The following PAM variants were observed in gnomAD, a reference collection of about 807,000 sequenced individuals.
PAM encodes peptidyl-glycine alpha-amidating monooxygenase.
Under a neutral mutation model 122.1 loss-of-function variants are expected in PAM, and 72 were observed. The ratio of observed to expected loss-of-function variants is 0.59; its 90% confidence interval spans 0.49 to 0.72. The LOEUF (loss-of-function observed/expected upper bound fraction) is 0.72. PAM is among the 30% of genes least tolerant of loss of function. The pLI, the probability that PAM is intolerant of heterozygous loss-of-function variation, is 0.00. For synonymous variants in PAM, 389 were observed against 404.4 expected, an observed-to-expected ratio of 0.96 and a Z score of 0.46; for missense variants, 1,106 against 1,183.7, an observed-to-expected ratio of 0.93 and a Z score of 0.96.
chr5:102,877,476 G>T (rs1480048326), intron 3 of PAM, among the ~76,000 whole-genome samples: 5 of 152,258 alleles, frequency 3.3e-5, no homozygotes, highest in Admixed American at 1.3e-4. Context: ...GCTTTATTTA[G>T]AAAATATTTA....
intron 7 of PAM, among the ~76,000 whole-genome samples, chr5:102,928,645 T>C (rs1750430917): frequency 1.3e-5 from 2 of 152,074 alleles, no homozygotes; most frequent in South Asian, 2.1e-4. Flanking sequence ...TGGGAAAATA[T>C]CAAATCTCAC....
chr5:102,909,667 A>G (rs1398328362), intron 4 of PAM, among the ~76,000 whole-genome samples: 3 of 151,882 alleles, frequency 2.0e-5, no homozygotes, highest in Non-Finnish European at 4.4e-5. Flanking sequence ...AGGCACTTGT[A>G]TTTTTACCAA....
chr5:102,998,894 C>G (rs1458516560), intron 16 of PAM, among the ~76,000 whole-genome samples: 1 of 152,136 alleles, frequency 6.6e-6, no homozygotes, highest in African/African-American at 2.4e-5. Flanking sequence ...AGTTCCTTCT[C>G]ATGCTGCTAA....
chr5:102,980,770 G>A (rs1469711612), intron 15 of PAM, among the ~76,000 whole-genome samples: 1 of 152,056 alleles, frequency 6.6e-6, no homozygotes, highest in East Asian at 1.9e-4. Flanking sequence ...AACTATCCTA[G>A]AATTTCTGGT....
intron 22 of PAM, among the ~76,000 whole-genome samples, chr5:103,018,819 A>G (rs1180538468): frequency 6.6e-6 from 1 of 152,186 alleles, no homozygotes; most frequent in African/African-American, 2.4e-5. Context: ...CCTTTTTGGC[A>G]TTAAGGGACC....
At position 102,802,436 on chromosome 5, in the gene PAM, A is replaced by G. The variant is rs144379213; in HGVS notation, c.-374+47088A>G. On this transcript the variant is annotated intron_variant, in intron 1 of 25. Transcript: ENST00000438793. Reference sequence around the variant, plus strand: ...ATCCTTTAAGGATAAAACTTTGCATAGCTTCAGTCTATTACATAGACTGAG... The same window carrying G: ...ATCCTTTAAGGATAAAACTTTGCATGGCTTCAGTCTATTACATAGACTGAG... 1.4e-3 allele frequency among the ~76,000 whole-genome samples: 216 copies of G among 152,316 alleles called. 2 individuals are homozygous for G. The highest frequency in any genetic ancestry group is 5.1e-3 in the African/African-American group (210 of 41,564).
intron 1 of PAM, among the ~76,000 whole-genome samples, chr5:102,823,900 A>G (rs946304306): frequency 2.2e-4 from 34 of 152,212 alleles, no homozygotes; most frequent in African/African-American, 7.0e-4. Flanking sequence ...CCTGACCATG[A>G]AAAAGATACT....
At chr5:103,010,347 G>T (rs1172400082) in intron 21 of PAM, among the ~76,000 whole-genome samples, 1 of 152,154 alleles carries the variant, frequency 6.6e-6, no homozygotes, top group African/African-American at 2.4e-5. Context: ...ATTTATTCAA[G>T]TTCTAAAGAT....
At chr5:102,766,925 G>T (rs1348602954) in intron 1 of PAM, among the ~76,000 whole-genome samples, 10 of 36,586 alleles carry the variant, frequency 2.7e-4, no homozygotes, top group Admixed American at 1.8e-3. Context: ...TTCAGTTGTG[G>T]ATTTTTTTTT....
chr5:102,894,183 T>C (rs1795523988), intron 3 of PAM, among the ~76,000 whole-genome samples: 2 of 151,540 alleles, frequency 1.3e-5, no homozygotes, highest in Non-Finnish European at 3.0e-5. Flanking sequence ...TGGGAAGAGC[T>C]TGAACTACGA....
chr5:102,793,239 G>A (rs1762501191), intron 1 of PAM, among the ~76,000 whole-genome samples: 1 of 152,128 alleles, frequency 6.6e-6, no homozygotes, highest in Non-Finnish European at 1.5e-5. Flanking sequence ...TTAAAGACTT[G>A]TAAATTGGGC....
chr5:103,007,429 G>C (rs182953513), intron 19 of PAM, 28 bp from the exon 20 acceptor site: 1 of 1,594,306 alleles, frequency 6.3e-7, no homozygotes, highest in East Asian at 2.2e-5. Flanking sequence ...TTAACATTGT[G>C]TATCTAAGGC....
chr5:102,793,787 A>G (rs1399646865), intron 1 of PAM, among the ~76,000 whole-genome samples: 1 of 152,228 alleles, frequency 6.6e-6, no homozygotes, highest in South Asian at 2.1e-4. Flanking sequence ...AAGTTTATAT[A>G]CACAATTAAT....
chr5:102,909,657 A>G (rs961138066), intron 4 of PAM, among the ~76,000 whole-genome samples: 2 of 151,884 alleles, frequency 1.3e-5, no homozygotes, highest in Non-Finnish European at 2.9e-5. Context: ...GATTGACTCT[A>G]GGCACTTGTA....
chr5:102,822,435 C>T (rs914785826), intron 1 of PAM, among the ~76,000 whole-genome samples: 6 of 152,172 alleles, frequency 3.9e-5, no homozygotes, highest in Admixed American at 1.3e-4. Context: ...GACCATTTAG[C>T]CAAACCAGTT....
intron 23 of PAM, among the ~76,000 whole-genome samples, chr5:103,022,894 C>CA (rs1248497352): frequency 6.6e-6 from 1 of 152,118 alleles, no homozygotes; most frequent in Non-Finnish European, 1.5e-5. Context: ...ACCCCACATA[C>CA]AAATGCTCTT....
chr5:102,801,773 T>A (rs1168362965), intron 1 of PAM, among the ~76,000 whole-genome samples: 1 of 101,904 alleles, frequency 9.8e-6, no homozygotes, highest in African/African-American at 5.6e-5. Context: ...GGAAAAGGTA[T>A]TTTTTTTTTT....
At chr5:102,763,522 T>A (rs576009124) in intron 1 of PAM, among the ~76,000 whole-genome samples, 1 of 152,182 alleles carries the variant, frequency 6.6e-6, no homozygotes, top group South Asian at 2.1e-4. Flanking sequence ...AACAAATAAT[T>A]ATGTATAATT....
chr5:102,761,553 G>C (rs1037517123), intron 1 of PAM, among the ~76,000 whole-genome samples: 1 of 152,060 alleles, frequency 6.6e-6, no homozygotes, highest in East Asian at 1.9e-4. Context: ...CTTTTTCCGT[G>C]GCTAAAAATG....
Sources: allele counts gnomAD v4.1 joint callset (sites outside exome capture counted in the v4.1 genomes callset), GRCh38; gene constraint gnomAD v4.1.1; transcripts MANE v1.5; gene names NCBI Gene and HGNC (gene_info 2026-07-23, HGNC 2026-07-21).